CA12: variants seen among roughly 807,000 people sequenced by gnomAD.
CA12 encodes carbonate dehydratase XII.
Under a neutral mutation model 46.8 loss-of-function variants are expected in CA12, and 36 were observed. The observed-to-expected ratio is 0.77, with a 90% confidence interval of 0.59 to 1.02. CA12 has a LOEUF of 1.02. Ranked by LOEUF, CA12 falls within the 50% of genes least tolerant of loss-of-function variation. The probability of loss-of-function intolerance (pLI) is 0.00; values close to 1 mark genes in which losing one functional copy is unlikely to be tolerated. For synonymous variants in CA12, 202 were observed against 187.0 expected (o/e 1.08, Z -0.65); for missense variants, 436 against 451.4 (o/e 0.97, Z 0.31).
At position 63,345,673 on chromosome 15, in the gene CA12, G is replaced by T; in HGVS notation, c.287-54C>A. The T allele has an allele frequency of 1.3e-6, 2 of 1,584,364 alleles. No homozygotes were observed. Among genetic ancestry groups the T allele is most frequent in the Non-Finnish European group, 1.7e-6 (2 of 1,170,338 alleles). ...AGCCCCGGCCAGCTGTGCACTGCCA[G>T]AGAGCAGTCAGGTAGGCAATGCTCC... On this transcript the variant is annotated intron_variant, in intron 3 of 10. Transcript: ENST00000178638. The surrounding 1 kb of genome is among the most constrained non-coding windows in gnomAD (Gnocchi z 4.3).
chr15:63,381,615 A>G, intron 1 of CA12, 21 bp downstream of exon 1: 2 of 1,603,540 alleles, frequency 1.2e-6, no homozygotes, highest in African/African-American at 2.7e-5. Context: ...GTGTTAGGAA[A>G]GAAGCAGGCG....
intron 2 of CA12, among the ~76,000 whole-genome samples, chr15:63,350,085 C>T (rs7166946): frequency 0.51 from 78,013 of 151,994 alleles, 21,597 homozygotes; most frequent in East Asian, 0.74. Flanking sequence ...GCCTGGGAGA[C>T]GGCCTGCCAA....
At chr15:63,375,768 T>C in intron 1 of CA12, 90 bp from the exon 2 acceptor site, 1 of 907,686 alleles carries the variant, frequency 1.1e-6, no homozygotes, top group Non-Finnish European at 1.8e-6. Flanking sequence ...TGAGCGAAAT[T>C]GAAAAGGAGG....
rs1291954862 is a variant in CA12, at chr15:63,346,599, G to A, written c.217C>T (p.Pro73Ser). The A allele has an allele frequency of 6.2e-7, 1 of 1,614,100 alleles. No homozygotes were observed. The highest frequency in any genetic ancestry group is 8.5e-7 in the Non-Finnish European group (1 of 1,180,026). ...DILQYDASLT[P>S]LEFQGYNLSA... is the part of the protein sequence containing the mutation. Reference sequence around the variant, plus strand: ...AGATTGTAGCCTTGGAACTCGAGGGGCGTGAGGCTGGCGTCATACTGGAGG... The same window carrying A: ...AGATTGTAGCCTTGGAACTCGAGGGACGTGAGGCTGGCGTCATACTGGAGG... The change falls in exon 3 of 11, where the codon CCC becomes TCC. Residue 73 changes from proline (P) to serine (S), a missense_variant. Transcript: ENST00000178638.
intron 8 of CA12, among the ~76,000 whole-genome samples, chr15:63,337,126 C>T (rs1326521393): frequency 6.6e-6 from 1 of 152,198 alleles, no homozygotes; most frequent in Non-Finnish European, 1.5e-5. Flanking sequence ...AGGAAGGCTA[C>T]TGTTCACAGA....
In CA12 at chr15:63,341,857, CAGG is replaced by C. The variant is rs1208695152; in HGVS notation, c.525+142_525+144del. ...CCAGGCCAAGAGAGAAGGTGCACTA[CAGG>C]AGGATACCCCCTGCTCTGGAGTTGA... On this transcript the variant is annotated intron_variant, in intron 5 of 10. Coordinates refer to ENST00000178638, the MANE Select transcript of CA12 (RefSeq NM_001218.5). The surrounding 1 kb of genome is among the most constrained non-coding windows in gnomAD (Gnocchi z 5.2). 1.0e-5 allele frequency: 7 copies of C among 693,428 alleles called. No individual in the cohort carries two copies. In the Admixed American group the frequency reaches 1.2e-4, roughly 12 times the overall value. The allele number at this position is 693,428 out of a possible 1,614,324, so 43.0% of individuals were successfully genotyped here. A position where few individuals can be genotyped will look rare whatever the true frequency, so the allele number is the denominator to read the frequency against.
chr15:63,321,618 G>A lies in CA12; in HGVS notation c.*4667C>T, dbSNP rs962376099. The A allele has an allele frequency of 8.5e-5, 13 of 152,226 alleles. No homozygotes were observed. The highest frequency in any genetic ancestry group is 3.1e-4 in the African/African-American group (13 of 41,450). 9.4% of individuals were successfully genotyped at this position (152,226 alleles called of 1,614,324 possible). ...GCCCGGCTGGAACGCACTGGCAGGT[G>A]GTCCCTGTGCCCCAGAGGCCCCGTT... On this transcript the variant is annotated 3_prime_UTR_variant, in exon 11 of 11. Transcript: ENST00000178638. The surrounding 1 kb of genome is among the most constrained non-coding windows in gnomAD (Gnocchi z 4.5).
intron 10 of CA12, among the ~76,000 whole-genome samples, 197 bp from the exon 11 acceptor site, chr15:63,326,554 A>C (rs556251916): frequency 9.9e-5 from 15 of 152,180 alleles, no homozygotes; most frequent in African/African-American, 3.1e-4. Context: ...TCGTTTTCCA[A>C]CTGTTCTCTT....
intron 2 of CA12, among the ~76,000 whole-genome samples, chr15:63,360,754 C>T (rs1451129603): frequency 6.6e-6 from 1 of 152,214 alleles, no homozygotes; most frequent in Non-Finnish European, 1.5e-5. Context: ...GACGCACATG[C>T]CCCCGAATTG....
At chr15:63,343,307 G>A (rs1555430109) in intron 4 of CA12, among the ~76,000 whole-genome samples, 1 of 85,880 alleles carries the variant, frequency 1.2e-5, no homozygotes, top group African/African-American at 3.8e-5. Flanking sequence ...TTTTAATGGA[G>A]TTTCGCTCTT....
At chr15:63,343,574 C>A (rs373809874) in intron 4 of CA12, among the ~76,000 whole-genome samples, 11 of 152,134 alleles carry the variant, frequency 7.2e-5, no homozygotes, top group East Asian at 3.9e-4. Flanking sequence ...AGCCAACATG[C>A]CCCACCAGAA....
Position 63,372,482 on chromosome 15 carries a change from T to C in CA12, c.106+3176A>G, listed in dbSNP as rs1431976831. Among the ~76,000 whole-genome samples the C allele has an allele frequency of 6.6e-6, 1 of 152,208 alleles. No homozygotes were observed. The highest frequency in any genetic ancestry group is 1.5e-5 in the Non-Finnish European group (1 of 68,026). ...TGTAGGGGTAGAACTCCCTTTTTTG[T>C]ACTTCTAAAAGTCCTACCATGTGTG... On this transcript the variant is annotated intron_variant, in intron 2 of 10. Coordinates refer to ENST00000178638, the MANE Select transcript of CA12 (RefSeq NM_001218.5). This position sits in a 1 kb window ranked among gnomAD's most constrained non-coding sequence, Gnocchi z 4.5.
intron 2 of CA12, among the ~76,000 whole-genome samples, chr15:63,351,475 G>T (rs556462011): frequency 6.6e-6 from 1 of 152,098 alleles, no homozygotes; most frequent in Non-Finnish European, 1.5e-5. Flanking sequence ...ACAAAGCACA[G>T]CCTAGCTGTT....
chr15:63,347,301 T>G (rs1595782436), intron 2 of CA12, among the ~76,000 whole-genome samples: 1 of 152,262 alleles, frequency 6.6e-6, no homozygotes, highest in African/African-American at 2.4e-5. Flanking sequence ...TCTTTGTGGC[T>G]GCTGGCTTTG....
chr15:63,377,516 T>G (rs1355159420), intron 1 of CA12, among the ~76,000 whole-genome samples: 4 of 152,208 alleles, frequency 2.6e-5, no homozygotes, highest in Admixed American at 6.5e-5. Flanking sequence ...CTCATATTTT[T>G]TGTTATTCTG....
Position 63,372,680 on chromosome 15 carries a change from G to C in CA12, c.106+2978C>G, listed in dbSNP as rs1167715563. ...CTCCAGCACTTATGCTGGGCCCTCTGTCTACCTGTGCAGCCCTGAGCACAG... is the reference window on the plus strand; with the variant it reads ...CTCCAGCACTTATGCTGGGCCCTCTCTCTACCTGTGCAGCCCTGAGCACAG... On this transcript the variant is annotated intron_variant, in intron 2 of 10. Transcript: ENST00000178638. This position sits in a 1 kb window ranked among gnomAD's most constrained non-coding sequence, Gnocchi z 4.5. Among the ~76,000 whole-genome samples, 2 of 152,132 alleles carry C rather than the reference G, an allele frequency of 1.3e-5. No homozygotes were observed. The highest frequency in any genetic ancestry group is 1.3e-4 in the Admixed American group (2 of 15,276).
At chr15:63,326,472 G>T in intron 10 of CA12, 115 bp from the exon 11 acceptor site, 2 of 790,758 alleles carry the variant, frequency 2.5e-6, no homozygotes, top group Non-Finnish European at 2.2e-6. Flanking sequence ...CTCTCTTTGG[G>T]ACCTTTCCCC....
intron 8 of CA12, among the ~76,000 whole-genome samples, chr15:63,338,414 C>T (rs1276750950): frequency 2.0e-5 from 3 of 152,180 alleles, no homozygotes; most frequent in Admixed American, 6.5e-5. Context: ...CTAAGATAGG[C>T]TGGCTGCAGC....
At position 63,339,032 on chromosome 15, in the gene CA12, C is replaced by T; in HGVS notation, c.748-87G>A. 2 of 1,543,946 alleles carry T rather than the reference C, an allele frequency of 1.3e-6. No individual in the cohort carries two copies. The highest frequency in any genetic ancestry group is 1.2e-5 in the South Asian group (1 of 86,636). ...AGAGGCTAGCTCTCCGCTCTTGCAC[C>T]TGGGAGAAGCCTCTGGAACCAGCTT... On this transcript the variant is annotated intron_variant, in intron 7 of 10. Transcript: ENST00000178638. This position sits in a 1 kb window ranked among gnomAD's most constrained non-coding sequence, Gnocchi z 4.3.
Sources: allele counts gnomAD v4.1 joint callset (sites outside exome capture counted in the v4.1 genomes callset), GRCh38; gene constraint gnomAD v4.1.1; non-coding constraint Gnocchi (gnomAD v3.1); transcripts MANE v1.5; gene names NCBI Gene and HGNC (gene_info 2026-07-23, HGNC 2026-07-21).